SEPTIN11: variants seen among roughly 807,000 people sequenced by gnomAD.
SEPTIN11 encodes the protein septin 11.
Under a neutral mutation model 51.4 loss-of-function variants are expected in SEPTIN11, and 25 were observed. The ratio of observed to expected loss-of-function variants is 0.49; its 90% confidence interval spans 0.35 to 0.68. The LOEUF is 0.68. Among genes scored for constraint, SEPTIN11 ranks in the 30% least tolerant of loss-of-function variants. The probability of loss-of-function intolerance (pLI) is 0.00; values close to 1 mark genes in which losing one functional copy is unlikely to be tolerated. For synonymous variants in SEPTIN11, 174 were observed against 184.1 expected (o/e 0.95, Z 0.44); for missense variants, 381 against 520.8 (o/e 0.73, Z 2.61).
downstream of SEPTIN11, chr4:77,039,496 A>G (rs1359535624): frequency 1.0e-6 from 1 of 985,390 alleles, no homozygotes. Context: ...AGGGCCCACA[A>G]ACTTGATCTC....
At chr4:77,025,308 A>G (rs1296993098) in intron 7 of SEPTIN11, among the ~76,000 whole-genome samples, 1 of 152,138 alleles carries the variant, frequency 6.6e-6, no homozygotes, top group Non-Finnish European at 1.5e-5. Context: ...AGGCTGAGGT[A>G]GGAGGATCAC....
At chr4:76,951,507 A>G (rs1479871168) in intron 1 of SEPTIN11, among the ~76,000 whole-genome samples, 1 of 152,200 alleles carries the variant, frequency 6.6e-6, no homozygotes, top group Non-Finnish European at 1.5e-5. Context: ...TGAGGTCTAT[A>G]GAGGTGAAAT....
intron 1 of SEPTIN11, among the ~76,000 whole-genome samples, chr4:76,989,115 A>G (rs939928763): frequency 3.3e-5 from 5 of 152,218 alleles, no homozygotes; most frequent in African/African-American, 1.2e-4. Flanking sequence ...AGGTAATTTG[A>G]TTAAATCTCC....
downstream of SEPTIN11, chr4:77,038,972 C>A: frequency 1.3e-6 from 1 of 766,698 alleles, no homozygotes; most frequent in Non-Finnish European, 1.9e-6. Flanking sequence ...AACTGACACA[C>A]TGCTGTTCTT....
chr4:77,030,099 T>C (rs911593919), intron 8 of SEPTIN11, among the ~76,000 whole-genome samples: 4 of 152,034 alleles, frequency 2.6e-5, no homozygotes, highest in Admixed American at 6.5e-5. Context: ...CTACTAAAGA[T>C]ACAAAAATTA....
chr4:77,012,213 A>C (rs2109956812), intron 4 of SEPTIN11, among the ~76,000 whole-genome samples: 1 of 152,250 alleles, frequency 6.6e-6, no homozygotes, highest in African/African-American at 2.4e-5. Context: ...ACTTTCTTAA[A>C]AAAAAAAACT....
At chr4:76,971,816 C>T (rs1400383959) in intron 1 of SEPTIN11, among the ~76,000 whole-genome samples, 1 of 152,180 alleles carries the variant, frequency 6.6e-6, no homozygotes, top group African/African-American at 2.4e-5. Context: ...TTCATTGATA[C>T]ACTGTTCATC....
rs754920276 is a variant in SEPTIN11, at chr4:77,034,778, A to C, written c.*266A>C. 4 of 1,161,916 alleles carry C rather than the reference A, an allele frequency of 3.4e-6. No homozygotes were observed. Among genetic ancestry groups the C allele is most frequent in the Non-Finnish European group, 4.2e-6 (4 of 942,980 alleles). The allele number at this position is 1,161,916 out of a possible 1,614,324, so 72.0% of individuals were successfully genotyped here. ...GCTTTTTATGCCTGTTCTGAATGGC[A>C]GCACGAAGCAGGCCTGTTACTTGTA... On this transcript the variant is annotated 3_prime_UTR_variant, in exon 10 of 10. Coordinates refer to ENST00000264893, the MANE Select transcript of SEPTIN11 (RefSeq NM_018243.4).
At chr4:76,975,294 C>G (rs747452389) in intron 1 of SEPTIN11, among the ~76,000 whole-genome samples, 15 of 152,048 alleles carry the variant, frequency 9.9e-5, no homozygotes, top group Admixed American at 5.9e-4. Flanking sequence ...TCTACCATCC[C>G]AAAGTGTTTA....
In SEPTIN11 at chr4:77,036,370, T is replaced by G; in HGVS notation, c.*1858T>G. ...TCAAACCATGGGCTGAATTTGCTCA[T>G]AGGCTGTGCATCAGACAAAAGCTTG... is the stretch of plus-strand genomic sequence containing the variant. On this transcript the variant is annotated 3_prime_UTR_variant, in exon 10 of 10. Coordinates refer to ENST00000264893, the MANE Select transcript of SEPTIN11 (RefSeq NM_018243.4). 1 of 1,063,344 alleles carries G rather than the reference T, an allele frequency of 9.4e-7. No individual in the cohort carries two copies. 65.9% of individuals were successfully genotyped at this position (1,063,344 alleles called of 1,614,324 possible).
chr4:77,026,079 G>A (rs1010313787), intron 7 of SEPTIN11, among the ~76,000 whole-genome samples: 6 of 152,058 alleles, frequency 3.9e-5, no homozygotes, highest in African/African-American at 1.5e-4. Context: ...ACTTTTTAAC[G>A]TACTGGTTAA....
In SEPTIN11 at chr4:77,005,672, A is replaced by C. The variant is rs1163942386; in HGVS notation, c.214A>C (p.Thr72Pro). 1.2e-6 allele frequency: 2 copies of C among 1,614,098 alleles called. No homozygotes were observed. Among genetic ancestry groups the C allele is most frequent in the East Asian group, 2.2e-5 (1 of 44,880 alleles). The change falls in exon 3 of 10, where the codon ACT (threonine) becomes CCT (proline). Residue 72 changes from threonine to proline, a missense_variant. Thr to Pro is a conservative substitution (Grantham distance 38). Coordinates refer to ENST00000264893, the MANE Select transcript of SEPTIN11 (RefSeq NM_018243.4). ...CACCAAATTTGAAAGTGACCCAGCT[A>C]CTCACAATGAACCAGGTGTTCGGTT... is the stretch of plus-strand genomic sequence containing the variant. ...FNTKFESDPA[T>P]HNEPGVRLKA...
In SEPTIN11 at chr4:76,963,942, A is replaced by G. The variant is rs1173018106; in HGVS notation, c.27+14012A>G. 2.0e-5 allele frequency among the ~76,000 whole-genome samples: 3 copies of G among 152,018 alleles called. No individual in the cohort carries two copies. In the East Asian group the frequency reaches 5.8e-4, roughly 29 times the overall value. Reference sequence around the variant, plus strand: ...TACATTAGGTATATCTCCTAATGCTATCCCTCTCCCCTCCCCCTACCCCAC... The same window carrying G: ...TACATTAGGTATATCTCCTAATGCTGTCCCTCTCCCCTCCCCCTACCCCAC... On this transcript the variant is annotated intron_variant, in intron 1 of 9. Coordinates refer to ENST00000264893, the MANE Select transcript of SEPTIN11 (RefSeq NM_018243.4).
intron 1 of SEPTIN11, among the ~76,000 whole-genome samples, chr4:76,987,173 T>C (rs1453871463): frequency 1.3e-5 from 2 of 152,220 alleles, no homozygotes; most frequent in Non-Finnish European, 2.9e-5. Flanking sequence ...GGCTGGCTCC[T>C]GGATGCTCCT....
At chr4:76,958,177 G>A (rs1025830334) in intron 1 of SEPTIN11, among the ~76,000 whole-genome samples, 8 of 152,206 alleles carry the variant, frequency 5.3e-5, no homozygotes, top group Non-Finnish European at 1.2e-4. Context: ...GTCAACCCCC[G>A]GTAGGTGTAG....
At chr4:76,967,085 T>C (rs1722064287) in intron 1 of SEPTIN11, among the ~76,000 whole-genome samples, 2 of 151,982 alleles carry the variant, frequency 1.3e-5, no homozygotes, top group South Asian at 4.2e-4. Flanking sequence ...TAATCCCAGC[T>C]ACTTGGGAGG....
chr4:77,001,420 A>G (rs947740288), intron 2 of SEPTIN11, among the ~76,000 whole-genome samples: 2 of 151,432 alleles, frequency 1.3e-5, no homozygotes, highest in African/African-American at 4.9e-5. Context: ...TTCAATCTCC[A>G]CTGACTGCAA....
chr4:76,996,426 A>G lies in SEPTIN11; in HGVS notation c.29A>G (p.Asn10Ser). The stretch of plus-strand genomic sequence containing the variant: ...AATCTTTCTCCCCTGAAATTGCAGA[A>G]TGAAGAGCTTCGAAACTTGTCTTTG... MAVAVGRPS[N>S]EELRNLSLSG... Residue 10 changes from asparagine to serine, a missense_variant and splice_region_variant, in exon 2 of 10, where the codon AAT becomes AGT. Transcript: ENST00000264893. The G allele has an allele frequency of 1.2e-6, 2 of 1,612,974 alleles. No individual in the cohort carries two copies. Among genetic ancestry groups the G allele is most frequent in the Non-Finnish European group, 1.7e-6 (2 of 1,178,902 alleles).
intron 1 of SEPTIN11, among the ~76,000 whole-genome samples, chr4:76,957,497 C>T (rs1721613838): frequency 6.6e-6 from 1 of 152,154 alleles, no homozygotes; most frequent in Admixed American, 6.5e-5. Flanking sequence ...CAGTACTTCC[C>T]TCAAAGAGTT....
Sources: gnomAD v4.1 joint callset for allele counts (sites outside exome capture counted in the v4.1 genomes callset) on GRCh38, gnomAD v4.1.1 for gene constraint, MANE v1.5 for transcripts, NCBI Gene and HGNC (gene_info 2026-07-23, HGNC 2026-07-21) for gene names.